Variants in COP1 observed in about 807,000 individuals in gnomAD.
COP1 encodes COP1 E3 ubiquitin ligase.
Under a neutral mutation model 101.3 loss-of-function variants are expected in COP1, and 24 were observed. That is an observed-to-expected ratio of 0.24 (90% CI 0.17 to 0.33). COP1 has a LOEUF of 0.33. Ranked by LOEUF, COP1 falls within the 10% of genes least tolerant of loss-of-function variation. The probability of loss-of-function intolerance (pLI) is 1.00; values close to 1 mark genes in which losing one functional copy is unlikely to be tolerated. For missense variants in COP1, 663 were observed against 906.2 expected, an observed-to-expected ratio of 0.73 and a Z score of 3.45; for synonymous variants, 347 against 341.9, an observed-to-expected ratio of 1.01 and a Z score of -0.17.
At chr1:176,026,187 A>G (rs1273610674) in intron 15 of COP1, among the ~76,000 whole-genome samples, 1 of 152,104 alleles carries the variant, frequency 6.6e-6, no homozygotes, top group African/African-American at 2.4e-5. Flanking sequence ...CAAGAAGGAG[A>G]AAATTTGATA....
chr1:176,152,133 A>C (rs1692708723), intron 5 of COP1, among the ~76,000 whole-genome samples: 1 of 152,134 alleles, frequency 6.6e-6, no homozygotes, highest in Non-Finnish European at 1.5e-5. Context: ...TCTACAAAAA[A>C]TTCAAAAACT....
chr1:176,006,294 C>T (rs1663186697), intron 15 of COP1, among the ~76,000 whole-genome samples: 1 of 151,278 alleles, frequency 6.6e-6, no homozygotes, highest in South Asian at 2.1e-4. Context: ...GGTCTTGACT[C>T]TTTATCCAAT....
At chr1:175,961,806 T>C (rs940858267) in intron 18 of COP1, among the ~76,000 whole-genome samples, 1 of 151,590 alleles carries the variant, frequency 6.6e-6, no homozygotes, top group Non-Finnish European at 1.5e-5. Flanking sequence ...CTTCACAGAT[T>C]AGGTCACAAA....
chr1:176,151,417 G>GAAAGAA (rs1455760757), intron 5 of COP1, among the ~76,000 whole-genome samples: 1 of 142,722 alleles, frequency 7.0e-6, no homozygotes, highest in Non-Finnish European at 1.6e-5. Flanking sequence ...AAGAAAGAAA[G>GAAAGAA]AAACATATTT....
At chr1:176,173,779 G>A (rs1429848963) in intron 3 of COP1, among the ~76,000 whole-genome samples, 1 of 151,842 alleles carries the variant, frequency 6.6e-6, no homozygotes, top group African/African-American at 2.4e-5. Context: ...CTTGAGTCCA[G>A]GAGTTCGAGA....
chr1:176,169,433 GT>G (rs1439090471), intron 3 of COP1, among the ~76,000 whole-genome samples: 1 of 152,106 alleles, frequency 6.6e-6, no homozygotes, highest in Non-Finnish European at 1.5e-5. Context: ...AAACTTTTAA[GT>G]GTGTAATTTC....
chr1:176,118,119 T>C (rs1036268094), intron 8 of COP1, among the ~76,000 whole-genome samples: 3 of 152,202 alleles, frequency 2.0e-5, no homozygotes, highest in Non-Finnish European at 4.4e-5. Flanking sequence ...AACCTGACTC[T>C]GGGCAAGTGA....
intron 9 of COP1, among the ~76,000 whole-genome samples, chr1:176,098,209 G>C (rs929191723): frequency 2.6e-5 from 4 of 152,164 alleles, no homozygotes; most frequent in African/African-American, 9.7e-5. Flanking sequence ...AATTATGCTG[G>C]AAGAAGTCAA....
intron 11 of COP1, among the ~76,000 whole-genome samples, chr1:176,072,499 T>C (rs567424331): frequency 1.3e-5 from 2 of 152,278 alleles, no homozygotes; most frequent in South Asian, 4.1e-4. Flanking sequence ...CTCCCATTCA[T>C]CTCATTTCTC....
chr1:176,122,345 T>C (rs779469818), intron 8 of COP1, among the ~76,000 whole-genome samples: 47 of 152,268 alleles, frequency 3.1e-4, no homozygotes, highest in Non-Finnish European at 5.1e-4. Context: ...TTTTATACGA[T>C]ACATGGCATA....
chr1:176,044,122 A>C (rs993308911), intron 12 of COP1, among the ~76,000 whole-genome samples: 1 of 152,212 alleles, frequency 6.6e-6, no homozygotes, highest in Non-Finnish European at 1.5e-5. Flanking sequence ...TCTATCAGTG[A>C]AGGTGATACT....
intron 11 of COP1, among the ~76,000 whole-genome samples, chr1:176,070,733 C>A (rs1387073581): frequency 6.6e-6 from 1 of 152,128 alleles, no homozygotes; most frequent in African/African-American, 2.4e-5. Context: ...CTCACTGTAA[C>A]CTTGAGCTCC....
At chr1:176,001,489 A>G (rs990605199) in intron 15 of COP1, among the ~76,000 whole-genome samples, 1 of 152,142 alleles carries the variant, frequency 6.6e-6, no homozygotes, top group Non-Finnish European at 1.5e-5. Flanking sequence ...TCCAAAGTTG[A>G]TATACTACAG....
chr1:176,009,071 C>A (rs570596871), intron 15 of COP1, among the ~76,000 whole-genome samples: 2 of 152,300 alleles, frequency 1.3e-5, no homozygotes, highest in South Asian at 4.1e-4. Flanking sequence ...GCACACTACA[C>A]CTGGCACATG....
At chr1:176,042,034 C>T (rs1256618262) in intron 14 of COP1, among the ~76,000 whole-genome samples, 1 of 152,126 alleles carries the variant, frequency 6.6e-6, no homozygotes, top group Non-Finnish European at 1.5e-5. Flanking sequence ...ATCGCTTGAA[C>T]CTGGGAGGCA....
At chr1:175,967,380 G>A (rs1422679212) in intron 18 of COP1, among the ~76,000 whole-genome samples, 1 of 152,162 alleles carries the variant, frequency 6.6e-6, no homozygotes, top group East Asian at 1.9e-4. Flanking sequence ...CAGCTACTCA[G>A]GAGGCTGAGG....
chr1:176,087,234 C>T (rs1369829966), intron 9 of COP1, among the ~76,000 whole-genome samples: 1 of 152,160 alleles, frequency 6.6e-6, no homozygotes, highest in Non-Finnish European at 1.5e-5. Flanking sequence ...AAAGCAATGG[C>T]AACAAAAGCC....
At chr1:175,959,332 T>G (rs1015419006) in intron 18 of COP1, among the ~76,000 whole-genome samples, 7 of 152,092 alleles carry the variant, frequency 4.6e-5, no homozygotes, top group Non-Finnish European at 8.8e-5. Context: ...TCTACAAAAC[T>G]CTTACAGCAG....
At chr1:176,065,586 A>G (rs1675777791) in intron 11 of COP1, among the ~76,000 whole-genome samples, 1 of 152,224 alleles carries the variant, frequency 6.6e-6, no homozygotes, top group Non-Finnish European at 1.5e-5. Flanking sequence ...GACAATGGAA[A>G]AAGAGTAAAC....
Sources: allele counts gnomAD v4.1 joint callset (sites outside exome capture counted in the v4.1 genomes callset), GRCh38; gene constraint gnomAD v4.1.1; transcripts MANE v1.5; gene names NCBI Gene and HGNC (gene_info 2026-07-23, HGNC 2026-07-21).